Variants in DOCK10 observed in about 807,000 individuals in gnomAD.
DOCK10 encodes the protein dedicator of cytokinesis 10.
DOCK10 carries 145 observed loss-of-function variants against 280.1 expected under a neutral mutation model. That is an observed-to-expected ratio of 0.52 (90% CI 0.45 to 0.59). DOCK10 has a LOEUF of 0.59. Ranked by LOEUF, DOCK10 falls within the 20% of genes least tolerant of loss-of-function variation. The pLI, the probability that DOCK10 is intolerant of heterozygous loss-of-function variation, is 0.00. For missense variants in DOCK10, 2,368 were observed against 2,651.7 expected, an observed-to-expected ratio of 0.89 and a Z score of 2.35; for synonymous variants, 915 against 942.2, an observed-to-expected ratio of 0.97 and a Z score of 0.53.
At chr2:224,958,770 C>T (rs144335282) in intron 1 of DOCK10, among the ~76,000 whole-genome samples, 240 of 152,212 alleles carry the variant, frequency 1.6e-3, no homozygotes, top group African/African-American at 2.2e-3. Context: ...TATGTTTCAA[C>T]GGTGCGGGAT....
chr2:225,019,991 G>A (rs904593486), intron 1 of DOCK10, among the ~76,000 whole-genome samples: 1 of 152,172 alleles, frequency 6.6e-6, no homozygotes, highest in African/African-American at 2.4e-5. Flanking sequence ...TTGTTCCTGA[G>A]TGTTAATTCC....
chr2:224,889,647 C>G (rs2125785547), intron 4 of DOCK10, among the ~76,000 whole-genome samples: 1 of 152,286 alleles, frequency 6.6e-6, no homozygotes, highest in Middle Eastern at 3.4e-3. Flanking sequence ...TGTTCTGCCT[C>G]TTTTGGTCAG....
At chr2:225,020,191 G>GTA (rs373779301) in intron 1 of DOCK10, among the ~76,000 whole-genome samples, 8,360 of 150,852 alleles carry the variant, frequency 0.055, 739 homozygotes, top group African/African-American at 0.19. Context: ...TGATATTAAA[G>GTA]TATATATATA....
At chr2:224,978,897 C>A (rs577882798) in intron 1 of DOCK10, among the ~76,000 whole-genome samples, 1 of 152,344 alleles carries the variant, frequency 6.6e-6, no homozygotes, top group Middle Eastern at 3.4e-3. Flanking sequence ...TGAATGGCAA[C>A]TTGGTTCTTC....
At chr2:224,989,542 C>T (rs527298654) in intron 1 of DOCK10, among the ~76,000 whole-genome samples, 27 of 152,206 alleles carry the variant, frequency 1.8e-4, no homozygotes, top group African/African-American at 5.8e-4. Flanking sequence ...GAGGAGAACA[C>T]CTTAGATTGA....
intron 1 of DOCK10, among the ~76,000 whole-genome samples, chr2:224,998,971 G>A (rs1418865599): frequency 1.3e-5 from 2 of 152,264 alleles, no homozygotes; most frequent in Admixed American, 1.3e-4. Flanking sequence ...TGGATCACTT[G>A]AGGTCAGGAG....
intron 1 of DOCK10, among the ~76,000 whole-genome samples, chr2:224,939,397 T>C (rs1323045961): frequency 6.6e-6 from 1 of 152,226 alleles, no homozygotes; most frequent in Non-Finnish European, 1.5e-5. Context: ...TGACCATGTA[T>C]ATCTCTTATG....
intron 1 of DOCK10, among the ~76,000 whole-genome samples, chr2:224,947,691 G>C (rs1431149326): frequency 6.6e-6 from 1 of 152,092 alleles, no homozygotes; most frequent in Non-Finnish European, 1.5e-5. Flanking sequence ...TAAAAGTGCA[G>C]TTCTCCCCTC....
intron 3 of DOCK10, among the ~76,000 whole-genome samples, chr2:224,899,742 C>G (rs1700186517): frequency 6.6e-6 from 1 of 152,108 alleles, no homozygotes; most frequent in Non-Finnish European, 1.5e-5. Flanking sequence ...GGCCCTCCTA[C>G]TCTCCCCCTA....
chr2:224,974,098 C>T (rs910377894), intron 1 of DOCK10, among the ~76,000 whole-genome samples: 3 of 152,142 alleles, frequency 2.0e-5, no homozygotes, highest in African/African-American at 7.2e-5. Flanking sequence ...ATCATGATTA[C>T]AATTTTCCAT....
At chr2:225,003,874 A>G (rs183903332) in intron 1 of DOCK10, among the ~76,000 whole-genome samples, 1 of 152,330 alleles carries the variant, frequency 6.6e-6, no homozygotes, top group East Asian at 1.9e-4. Context: ...TTGGAGTTTT[A>G]CATCTGCTCT....
chr2:224,793,506 A>C (rs1388529758), intron 45 of DOCK10, 49 bp from the exon 46 acceptor site: 3 of 1,444,900 alleles, frequency 2.1e-6, no homozygotes, highest in Non-Finnish European at 2.9e-6. Flanking sequence ...AGTTTAATAT[A>C]ATTAGGGCTA....
At chr2:225,035,564 ATATATAT>A (rs1488385766) in intron 1 of DOCK10, among the ~76,000 whole-genome samples, 3 of 55,644 alleles carry the variant, frequency 5.4e-5, no homozygotes, top group African/African-American at 1.4e-4. Flanking sequence ...ATATATATAT[ATATATAT>A]ATATATATAT....
chr2:224,853,911 T>G (rs2125558283), intron 16 of DOCK10, among the ~76,000 whole-genome samples: 1 of 152,318 alleles, frequency 6.6e-6, no homozygotes, highest in East Asian at 1.9e-4. Flanking sequence ...ATTATGATAT[T>G]TTTATTATAT....
intron 31 of DOCK10, among the ~76,000 whole-genome samples, chr2:224,813,521 T>TG (rs1559470842): frequency 6.6e-6 from 1 of 152,156 alleles, no homozygotes; most frequent in Non-Finnish European, 1.5e-5. Flanking sequence ...TCAATAAGGC[T>TG]GGGGGAAAAC....
chr2:224,854,867 C>T, intron 16 of DOCK10, 96 bp downstream of exon 16: 1 of 830,426 alleles, frequency 1.2e-6, no homozygotes, highest in South Asian at 1.9e-5. Flanking sequence ...AACCAACCAA[C>T]CAACCAACCA....
chr2:224,819,387 C>T lies in DOCK10; in HGVS notation c.3267+59G>A, dbSNP rs559991604. ...CTTAAGCAGGTATCCACAGAGACTA[C>T]TTTATTTATTTACAATGCCATAGTT... On this transcript the variant is annotated intron_variant, in intron 29 of 55. Transcript: ENST00000258390. The T allele has an allele frequency of 5.9e-6, 7 of 1,193,924 alleles. No homozygotes were observed. The South Asian group carries it at 9.5e-5, about 16-fold the overall frequency. 74.0% of individuals were successfully genotyped at this position (1,193,924 alleles called of 1,614,324 possible).
intron 1 of DOCK10, among the ~76,000 whole-genome samples, chr2:225,035,686 G>A (rs1027273607): frequency 1.0e-4 from 15 of 147,506 alleles, no homozygotes; most frequent in African/African-American, 3.8e-4. Context: ...TAGTCAGTGC[G>A]GGCTGCCATA....
chr2:224,983,763 C>T (rs1705872223), intron 1 of DOCK10: 1 of 470,950 alleles, frequency 2.1e-6, no homozygotes, highest in South Asian at 1.5e-5. Flanking sequence ...GTACTGGCTG[C>T]CAGTAGTTTT....
Sources: gnomAD v4.1 joint callset for allele counts (sites outside exome capture counted in the v4.1 genomes callset) on GRCh38, gnomAD v4.1.1 for gene constraint, MANE v1.5 for transcripts, NCBI Gene and HGNC (gene_info 2026-07-23, HGNC 2026-07-21) for gene names.